Variants in CAMK1D observed in about 807,000 individuals in gnomAD.
The protein encoded by CAMK1D is calcium/calmodulin dependent protein kinase ID, also known as calcium/calmodulin-dependent protein kinase type 1D.
CAMK1D carries 9 observed loss-of-function variants against 47.7 expected under a neutral mutation model. That is an observed-to-expected ratio of 0.19 (90% CI 0.11 to 0.33). CAMK1D has a LOEUF of 0.33. Among genes scored for constraint, CAMK1D ranks in the 10% least tolerant of loss-of-function variants. The pLI is 1.00. For missense variants in CAMK1D, 291 were observed against 488.7 expected, an observed-to-expected ratio of 0.60 and a Z score of 3.81; for synonymous variants, 184 against 184.9, an observed-to-expected ratio of 0.99 and a Z score of 0.04.
intron 2 of CAMK1D, among the ~76,000 whole-genome samples, chr10:12,604,605 T>C (rs779464802): frequency 7.9e-5 from 12 of 152,152 alleles, no homozygotes; most frequent in Non-Finnish European, 1.2e-4. Context: ...TTCCCAAGAA[T>C]AGTATTAATT....
rs576317933 is a variant in CAMK1D at position 12,601,961 on chromosome 10, G to A, written c.224+48605G>A. Among the ~76,000 whole-genome samples, 261 of 152,320 alleles carry A rather than the reference G, an allele frequency of 1.7e-3. 1 individual carries two copies. The highest frequency in any genetic ancestry group is 5.8e-3 in the African/African-American group (243 of 41,576). On this transcript the variant is annotated intron_variant, in intron 2 of 10. Transcript: ENST00000619168. ...CCTCTACCTGTGTGTCCTGCCCAGG[G>A]CAAGGGATCCTGTGGCAGGGGGCCC...
At chr10:12,639,055 C>T (rs1001358295) in intron 2 of CAMK1D, among the ~76,000 whole-genome samples, 11 of 152,146 alleles carry the variant, frequency 7.2e-5, no homozygotes, top group Non-Finnish European at 1.5e-4. Flanking sequence ...ATTCCTGGGC[C>T]GTGGAAAGTG....
In CAMK1D at chr10:12,831,596, G is replaced by C. The variant is rs1429305107; in HGVS notation, c.*2709G>C. 1 of 152,196 alleles carries C rather than the reference G, an allele frequency of 6.6e-6. No homozygotes were observed. The allele number at this position is 152,196 out of a possible 1,614,324, so 9.4% of individuals were successfully genotyped here. On this transcript the variant is annotated 3_prime_UTR_variant, in exon 11 of 11. Coordinates refer to ENST00000619168, the MANE Select transcript of CAMK1D (RefSeq NM_153498.4). ...CTCTGAAAGGTGAGCCGTGGTGCAG[G>C]TGCCCCCCTCGCTGTTCGGGTCAGT...
intron 7 of CAMK1D, among the ~76,000 whole-genome samples, chr10:12,814,882 C>T (rs1832738290): frequency 6.6e-6 from 1 of 152,220 alleles, no homozygotes; most frequent in Non-Finnish European, 1.5e-5. Context: ...TGGCTCGAGC[C>T]ACGCTGAGAG....
intron 6 of CAMK1D, among the ~76,000 whole-genome samples, chr10:12,801,664 C>T (rs927354239): frequency 2.6e-5 from 4 of 152,134 alleles, no homozygotes; most frequent in African/African-American, 9.7e-5. Context: ...TGTCTATCTT[C>T]ATATCTATAT....
intron 2 of CAMK1D, among the ~76,000 whole-genome samples, chr10:12,563,505 C>T (rs1022149699): frequency 5.9e-5 from 9 of 152,182 alleles, no homozygotes; most frequent in Non-Finnish European, 1.2e-4. Flanking sequence ...TCCAGAAATT[C>T]CCTCACAGAC....
At chr10:12,623,139 T>C (rs184224980) in intron 2 of CAMK1D, among the ~76,000 whole-genome samples, 4,332 of 30,352 alleles carry the variant, frequency 0.14, 1,097 homozygotes, top group Non-Finnish European at 0.21. Flanking sequence ...CTCCCTCCCT[T>C]CCTCCCTTCC....
intron 6 of CAMK1D, among the ~76,000 whole-genome samples, chr10:12,792,234 G>C (rs893025180): frequency 6.6e-6 from 1 of 152,078 alleles, no homozygotes; most frequent in Non-Finnish European, 1.5e-5. Context: ...CCATAACCCA[G>C]GAAATGCAAT....
chr10:12,450,749 T>C (rs1833059820), intron 1 of CAMK1D, among the ~76,000 whole-genome samples: 1 of 152,204 alleles, frequency 6.6e-6, no homozygotes, highest in African/African-American at 2.4e-5. Flanking sequence ...CCTTTGCATT[T>C]AGTTTTGTTT....
At chr10:12,616,753 G>T (rs924960523) in intron 2 of CAMK1D, among the ~76,000 whole-genome samples, 10 of 152,064 alleles carry the variant, frequency 6.6e-5, no homozygotes, top group Non-Finnish European at 1.5e-4. Context: ...TCCTGACCTC[G>T]TGATCCGCCC....
chr10:12,722,288 A>G (rs1208101676), intron 3 of CAMK1D, among the ~76,000 whole-genome samples: 2 of 152,012 alleles, frequency 1.3e-5, no homozygotes, highest in South Asian at 2.1e-4. Flanking sequence ...TACTAAAAAT[A>G]CAAAACAATT....
intron 1 of CAMK1D, among the ~76,000 whole-genome samples, chr10:12,514,522 G>A (rs1835132789): frequency 6.6e-6 from 1 of 152,242 alleles, no homozygotes; most frequent in Non-Finnish European, 1.5e-5. Flanking sequence ...AGATAGGAGT[G>A]TTATTTCCTT....
intron 7 of CAMK1D, 71 bp from the exon 8 acceptor site, chr10:12,816,179 C>T (rs527775588): frequency 8.0e-7 from 1 of 1,251,670 alleles, no homozygotes; most frequent in East Asian, 2.3e-5. Context: ...CTCCTGAAGA[C>T]CTGGTGGGAT....
intron 1 of CAMK1D, among the ~76,000 whole-genome samples, chr10:12,483,831 C>T (rs1271308419): frequency 6.6e-6 from 1 of 152,118 alleles, no homozygotes; most frequent in Non-Finnish European, 1.5e-5. Context: ...AGATTACAGG[C>T]GTGCACCACC....
At chr10:12,530,357 A>G (rs1415762161) in intron 1 of CAMK1D, among the ~76,000 whole-genome samples, 2 of 152,212 alleles carry the variant, frequency 1.3e-5, no homozygotes, top group Admixed American at 6.5e-5. Context: ...GTTGTAAGCA[A>G]CTGGGTCTTA....
chr10:12,641,809 C>T (rs1197181626), intron 2 of CAMK1D, among the ~76,000 whole-genome samples: 1 of 151,850 alleles, frequency 6.6e-6, no homozygotes, highest in Admixed American at 6.6e-5. Context: ...CTTTGGGAGG[C>T]CAAGGCGGGC....
At chr10:12,569,854 C>T (rs1392704526) in intron 2 of CAMK1D, among the ~76,000 whole-genome samples, 1 of 151,812 alleles carries the variant, frequency 6.6e-6, no homozygotes, top group East Asian at 1.9e-4. Context: ...GTGGATGTGG[C>T]AGTGACCCTC....
chr10:12,828,905 G>T lies in CAMK1D; in HGVS notation c.*18G>T. On this transcript the variant is annotated 3_prime_UTR_variant, in exon 11 of 11. Transcript: ENST00000619168. The stretch of plus-strand genomic sequence containing the variant: ...GCAAGTGACTGGCCCTGGAGGTGGG[G>T]CCCGGGGTCGGGGCTGGGGAAGGGG... The T allele has an allele frequency of 6.4e-7, 1 of 1,574,570 alleles. No homozygotes were observed. The highest frequency in any genetic ancestry group is 8.6e-7 in the Non-Finnish European group (1 of 1,159,766).
At chr10:12,370,717 T>A (rs1588414465) in intron 1 of CAMK1D, among the ~76,000 whole-genome samples, 1 of 152,184 alleles carries the variant, frequency 6.6e-6, no homozygotes. Flanking sequence ...CAAGCGATTC[T>A]CCTGCCACAG....
Sources: gnomAD v4.1 joint callset for allele counts (sites outside exome capture counted in the v4.1 genomes callset) on GRCh38, gnomAD v4.1.1 for gene constraint, MANE v1.5 for transcripts, NCBI Gene and HGNC (gene_info 2026-07-23, HGNC 2026-07-21) for gene names.